Variants in GDAP1 observed in about 807,000 individuals in gnomAD.
GDAP1 encodes the protein ganglioside-induced differentiation-associated protein 1.
GDAP1 carries 34 observed loss-of-function variants against 40.1 expected under a neutral mutation model. The observed-to-expected ratio is 0.85, with a 90% CI of 0.64 to 1.13. GDAP1 has a LOEUF of 1.13. Ranked by LOEUF, GDAP1 falls within the 50% of genes most tolerant of loss-of-function variation. The pLI is 0.00. For synonymous variants in GDAP1, 170 were observed against 157.4 expected, an observed-to-expected ratio of 1.08 and a Z score of -0.60; for missense variants, 374 against 433.7, an observed-to-expected ratio of 0.86 and a Z score of 1.22.
intron 2 of GDAP1, among the ~76,000 whole-genome samples, chr8:74,429,785 A>G (rs1455971310): frequency 6.6e-6 from 1 of 152,224 alleles, no homozygotes; most frequent in Non-Finnish European, 1.5e-5. Context: ...GATGCAATTC[A>G]GCCCATAGCA....
intron 2 of GDAP1, among the ~76,000 whole-genome samples, chr8:74,382,111 T>G (rs1045487483): frequency 6.6e-6 from 1 of 152,170 alleles, no homozygotes; most frequent in African/African-American, 2.4e-5. Flanking sequence ...TTACACTTAC[T>G]TCACATATTT....
chr8:74,436,557 G>T (rs377306773), intron 2 of GDAP1, among the ~76,000 whole-genome samples: 1 of 151,790 alleles, frequency 6.6e-6, no homozygotes, highest in Non-Finnish European at 1.5e-5. Flanking sequence ...CGAGTAGCTG[G>T]GATTACAGGT....
intron 2 of GDAP1, among the ~76,000 whole-genome samples, chr8:74,375,044 T>C (rs1809827447): frequency 6.7e-6 from 1 of 149,226 alleles, no homozygotes; most frequent in East Asian, 2.0e-4. Context: ...AGAAAAATAT[T>C]GGGCCAGGTG....
intron 2 of GDAP1, among the ~76,000 whole-genome samples, chr8:74,438,255 C>T (rs536092862): frequency 5.9e-5 from 9 of 151,664 alleles, no homozygotes; most frequent in African/African-American, 9.7e-5. Context: ...GACGACAGAG[C>T]GAAACTCCAT....
Position 74,351,223 on chromosome 8 carries a change from AT to A in GDAP1, c.118-48del, listed in dbSNP as rs747703120. 10 of 1,478,172 alleles carry A rather than the reference AT, an allele frequency of 6.8e-6. No homozygotes were observed. In the African/African-American group the frequency reaches 1.4e-4, roughly 20 times the overall value. The allele number at this position is 1,478,172 out of a possible 1,614,324, so 91.6% of individuals were successfully genotyped here. A position where few individuals can be genotyped will look rare whatever the true frequency, so the allele number is the denominator to read the frequency against. On this transcript the variant is annotated intron_variant, in intron 1 of 5. Transcript: ENST00000220822. ...CTGCTTAGCGGTGTCCAGGGAAGTC[AT>A]TTAATTGAAAGCTTACATGTGTTGT...
Position 74,366,443 on chromosome 8 carries a change from G to T in GDAP1, c.*2076G>T, listed in dbSNP as rs1323741533. ...TTTTAAAAAAAAGCTTGAGGCAAAT[G>T]TGAGTGATTTCCAGTGCTTTGAAAG... is the stretch of plus-strand genomic sequence containing the variant. On this transcript the variant is annotated 3_prime_UTR_variant, in exon 6 of 6. Transcript: ENST00000220822. 1 of 454,382 alleles carries T rather than the reference G, an allele frequency of 2.2e-6. No homozygotes were observed. Among genetic ancestry groups the T allele is most frequent in the Non-Finnish European group, 4.4e-6 (1 of 226,756 alleles). The allele number at this position is 454,382 out of a possible 1,614,324, so 28.1% of individuals were successfully genotyped here.
chr8:74,413,091 T>G (rs1298366502), intron 2 of GDAP1, among the ~76,000 whole-genome samples: 1 of 61,334 alleles, frequency 1.6e-5, no homozygotes, highest in Non-Finnish European at 3.4e-5. Context: ...AAAAAAAAGA[T>G]TTCTGAAGCC....
At chr8:74,402,570 G>T (rs1470188864) in intron 2 of GDAP1, among the ~76,000 whole-genome samples, 1 of 150,090 alleles carries the variant, frequency 6.7e-6, no homozygotes, top group Non-Finnish European at 1.5e-5. Flanking sequence ...ACTGTCCTGC[G>T]CCCACTTCTG....
intron 2 of GDAP1, among the ~76,000 whole-genome samples, chr8:74,423,709 T>G (rs545132331): frequency 2.4e-4 from 37 of 152,222 alleles, no homozygotes; most frequent in African/African-American, 8.7e-4. Context: ...AAGTTCTTCT[T>G]CCTTCTGGGG....
chr8:74,435,869 G>A (rs1806082439), intron 2 of GDAP1, among the ~76,000 whole-genome samples: 1 of 152,204 alleles, frequency 6.6e-6, no homozygotes, highest in African/African-American at 2.4e-5. Flanking sequence ...AGAGGTGCTA[G>A]TGGGTTATGA....
intron 2 of GDAP1, among the ~76,000 whole-genome samples, chr8:74,447,161 A>G (rs1364679024): frequency 6.6e-6 from 1 of 152,194 alleles, no homozygotes. Context: ...TAAGTTAGAA[A>G]GAGGTAATTA....
intron 2 of GDAP1, among the ~76,000 whole-genome samples, chr8:74,420,599 G>A (rs1007697049): frequency 6.6e-6 from 1 of 152,182 alleles, no homozygotes; most frequent in African/African-American, 2.4e-5. Context: ...TCTCTTGAAT[G>A]TGTCAGATGC....
intron 2 of GDAP1, among the ~76,000 whole-genome samples, chr8:74,414,006 A>G (rs182940888): frequency 3.3e-5 from 5 of 150,276 alleles, no homozygotes; most frequent in Non-Finnish European, 5.9e-5. Context: ...GATTCAAACT[A>G]TCGGCTAGAT....
intron 2 of GDAP1, among the ~76,000 whole-genome samples, chr8:74,381,513 T>G (rs1419600715): frequency 6.6e-6 from 1 of 152,114 alleles, no homozygotes; most frequent in Non-Finnish European, 1.5e-5. Context: ...CCCAGCACTT[T>G]GAGAGGCCGA....
At chr8:74,470,542 T>C (rs1806537809) in intron 2 of GDAP1, among the ~76,000 whole-genome samples, 1 of 152,184 alleles carries the variant, frequency 6.6e-6, no homozygotes, top group Admixed American at 6.5e-5. Context: ...CTGAGAATGA[T>C]GGTTTCCAGC....
intron 2 of GDAP1, among the ~76,000 whole-genome samples, chr8:74,392,909 A>G (rs952482935): frequency 2.0e-5 from 3 of 152,220 alleles, no homozygotes; most frequent in African/African-American, 7.2e-5. Context: ...TACATTAGCC[A>G]GAAAAATCTA....
intron 2 of GDAP1, among the ~76,000 whole-genome samples, chr8:74,444,196 ACACACACACACAC>A (rs1806201162): frequency 9.3e-5 from 2 of 21,498 alleles, no homozygotes; most frequent in Non-Finnish European, 3.1e-4. Context: ...GCAAATGCAC[ACACACACACACAC>A]GCGCGCACAC....
chr8:74,419,357 A>G (rs1050422645), intron 2 of GDAP1, among the ~76,000 whole-genome samples: 1 of 152,220 alleles, frequency 6.6e-6, no homozygotes. Flanking sequence ...AGAATGTCCT[A>G]TTGATACATG....
intron 2 of GDAP1, among the ~76,000 whole-genome samples, chr8:74,437,993 G>A (rs982476994): frequency 2.6e-5 from 4 of 152,170 alleles, no homozygotes; most frequent in Non-Finnish European, 5.9e-5. Context: ...TGAGTAGGCC[G>A]GGCATGGTGG....
Sources: allele counts gnomAD v4.1 joint callset (sites outside exome capture counted in the v4.1 genomes callset), GRCh38; gene constraint gnomAD v4.1.1; transcripts MANE v1.5; gene names NCBI Gene and HGNC (gene_info 2026-07-23, HGNC 2026-07-21).